Variants in ELF1 observed in about 807,000 individuals in gnomAD.
ELF1 encodes E74 like ETS transcription factor 1.
ELF1 carries 24 observed loss-of-function variants against 59.9 expected under a neutral mutation model. The ratio of observed to expected loss-of-function variants is 0.40; its 90% CI spans 0.29 to 0.56. ELF1 has a LOEUF of 0.56. Among genes scored for constraint, ELF1 ranks in the 20% least tolerant of loss-of-function variants. The pLI, the probability that ELF1 is intolerant of heterozygous loss-of-function variation, is 0.44. For synonymous variants in ELF1, 248 were observed against 266.2 expected (o/e 0.93, Z 0.67); for missense variants, 627 against 742.2 (o/e 0.84, Z 1.80).
At chr13:41,061,126 C>T (rs549994551) in exon 1 of ELF1, 2 of 192,704 alleles carry the variant, frequency 1.0e-5, no homozygotes, top group South Asian at 8.1e-5. Flanking sequence ...GCCAGAGGAC[C>T]CCGACCCACA....
chr13:40,971,542 C>A (rs956636849), intron 2 of ELF1, among the ~76,000 whole-genome samples: 2 of 152,322 alleles, frequency 1.3e-5, no homozygotes, highest in South Asian at 4.1e-4. Context: ...TGCGCCACTG[C>A]GTCTGGCCAG....
At chr13:40,939,730 A>AT (rs1425369819) in intron 8 of ELF1, among the ~76,000 whole-genome samples, 1 of 152,226 alleles carries the variant, frequency 6.6e-6, no homozygotes, top group African/African-American at 2.4e-5. Flanking sequence ...TCACGGGAGC[A>AT]TTGTGGATCT....
intron 1 of ELF1, among the ~76,000 whole-genome samples, chr13:41,031,805 CAAGACTCCG>C (rs1386485734): frequency 4.8e-5 from 5 of 105,184 alleles, no homozygotes; most frequent in African/African-American, 1.9e-4. Context: ...GGCAACAGAG[CAAGACTCCG>C]TGTCAAAAAA....
At chr13:40,946,106 T>C in intron 5 of ELF1, among the ~76,000 whole-genome samples, 1 of 152,228 alleles carries the variant, frequency 6.6e-6, no homozygotes. Flanking sequence ...CCCAAAGTGC[T>C]GGGATTACAA....
At chr13:41,032,878 A>G (rs1876228186) in intron 1 of ELF1, among the ~76,000 whole-genome samples, 1 of 151,916 alleles carries the variant, frequency 6.6e-6, no homozygotes. Context: ...AACCAAAGAA[A>G]AAACTTAGTA....
rs374409179 is a variant in ELF1, at chr13:41,003,135, G to A, written c.-229+16093C>T. On this transcript the variant is annotated intron_variant, in intron 1 of 8. Transcript: ENST00000239882. ...TACTTGCTTCCCAGAACCAACTGGTGGTAAGCTAAGCTTCACTGACTATTG... is the reference window on the plus strand; with the variant it reads ...TACTTGCTTCCCAGAACCAACTGGTAGTAAGCTAAGCTTCACTGACTATTG... Among the ~76,000 whole-genome samples, 2 of 152,076 alleles carry A rather than the reference G, an allele frequency of 1.3e-5. 1 individual carries two copies. Among genetic ancestry groups the A allele is most frequent in the Admixed American group, 1.3e-4 (2 of 15,262 alleles).
chr13:40,956,991 CTATTACA>C (rs1246819408), intron 3 of ELF1, among the ~76,000 whole-genome samples: 16 of 146,402 alleles, frequency 1.1e-4, no homozygotes, highest in Non-Finnish European at 2.1e-4. Flanking sequence ...TGTGCCCAGC[CTATTACA>C]TGTTTTAAGG....
At chr13:41,036,944 G>A (rs1427287030) in intron 1 of ELF1, among the ~76,000 whole-genome samples, 10 of 151,712 alleles carry the variant, frequency 6.6e-5, no homozygotes, top group Non-Finnish European at 1.3e-4. Flanking sequence ...TCACACACTG[G>A]GGCCTGTTGT....
rs758066781 is a variant in ELF1 at position 40,941,211 on chromosome 13, A to G, written c.966T>C (p.Asn322=). ...CTCTCGACCGGCTGGTTTGATTCCT[A>G]TTTGAAGTGGCTGATGAAGATAGCG... ...DPSLSSSATS[N]RNQTSRSRVS... is the part of the protein sequence containing the mutation. Residue 322 remains asparagine, a synonymous_variant, in exon 8 of 9, where the codon AAT becomes AAC. Coordinates refer to ENST00000239882, the MANE Select transcript of ELF1 (RefSeq NM_172373.4). 3.5e-5 allele frequency: 57 copies of G among 1,613,990 alleles called. No homozygotes were observed. Among genetic ancestry groups the G allele is most frequent in the Non-Finnish European group, 4.6e-5 (54 of 1,180,014 alleles).
At chr13:40,993,166 G>A in intron 1 of ELF1, 1 of 1,509,596 alleles carries the variant, frequency 6.6e-7, no homozygotes, top group Non-Finnish European at 9.2e-7. Flanking sequence ...TTTGTAGTGT[G>A]TGTGGTTCTT....
chr13:40,989,809 T>C (rs868061916), intron 1 of ELF1, among the ~76,000 whole-genome samples: 5 of 152,108 alleles, frequency 3.3e-5, no homozygotes, highest in Non-Finnish European at 2.9e-5. Context: ...TGTACATAGG[T>C]AAAATGATAA....
intron 1 of ELF1, among the ~76,000 whole-genome samples, chr13:40,984,708 AG>A (rs762809823): frequency 5.9e-5 from 9 of 152,242 alleles, no homozygotes; most frequent in Non-Finnish European, 1.2e-4. Flanking sequence ...ACCAGAATCA[AG>A]GGATGTTTGC....
intron 2 of ELF1, among the ~76,000 whole-genome samples, chr13:40,970,671 A>G (rs1872483127): frequency 6.6e-6 from 1 of 152,230 alleles, no homozygotes; most frequent in South Asian, 2.1e-4. Context: ...ACTTGTCTCT[A>G]TTAGCCTCCT....
rs769384979 is a variant in ELF1, at chr13:40,940,944, T to A, written c.1233A>T (p.Leu411Phe). 6.2e-7 allele frequency: 1 copy of A among 1,613,154 alleles called. No homozygotes were observed. The highest frequency in any genetic ancestry group is 1.3e-5 in the African/African-American group (1 of 75,026). Residue 411 changes from leucine (L) to phenylalanine (F), a missense_variant, in exon 8 of 9, where the codon TTA becomes TTT. Leu to Phe is a conservative substitution (Grantham distance 22). This residue lies in a region of ELF1 where 361 missense variants were observed against 396.1 expected (regional missense o/e 0.91). Coordinates refer to ENST00000239882, the MANE Select transcript of ELF1 (RefSeq NM_172373.4). ...ACCTAATACTCTGAACGGAAGAATT[T>A]AATGTTTCATCCTGCATGGTACTGG... Reference protein sequence around the residue: ...ARTSTMQDETLNSSVQSIRTI... With the variant: ...ARTSTMQDETFNSSVQSIRTI...
chr13:41,034,936 A>G (rs187218855), intron 1 of ELF1, among the ~76,000 whole-genome samples: 1 of 152,230 alleles, frequency 6.6e-6, no homozygotes, highest in East Asian at 1.9e-4. Context: ...TCTACATCTG[A>G]ACTTGTTAGT....
intron 1 of ELF1, among the ~76,000 whole-genome samples, chr13:41,008,828 A>T (rs926538372): frequency 1.3e-5 from 2 of 152,222 alleles, no homozygotes; most frequent in African/African-American, 4.8e-5. Context: ...AACAAAAGCA[A>T]CATATTCCAA....
intron 1 of ELF1, chr13:40,993,385 G>T (rs146732624): frequency 3.3e-6 from 3 of 899,832 alleles, no homozygotes; most frequent in Non-Finnish European, 5.5e-6. Flanking sequence ...GCAGTGCACC[G>T]ATGGGTCTGG....
chr13:41,059,144 A>G (rs1270562670), intron 1 of ELF1, among the ~76,000 whole-genome samples: 2 of 152,208 alleles, frequency 1.3e-5, no homozygotes, highest in African/African-American at 4.8e-5. Flanking sequence ...TTCCACTTTC[A>G]TTATCTATTC....
intron 1 of ELF1, among the ~76,000 whole-genome samples, chr13:41,006,554 C>T: frequency 6.6e-6 from 1 of 152,150 alleles, no homozygotes. Context: ...CTGTTCTGTT[C>T]TACCAAGGGC....
Sources: gnomAD v4.1 joint callset for allele counts (sites outside exome capture counted in the v4.1 genomes callset) on GRCh38, gnomAD v4.1.1 for gene constraint, gnomAD v4.1.1 regional missense constraint, MANE v1.5 for transcripts, NCBI Gene and HGNC (gene_info 2026-07-23, HGNC 2026-07-21) for gene names.